MEGF10: variants seen among roughly 807,000 people sequenced by gnomAD.
The protein encoded by MEGF10 is multiple epidermal growth factor-like domains protein 10.
In MEGF10, 86 loss-of-function variants were observed where a neutral mutation model predicts 147.5. The observed-to-expected ratio is 0.58, with a 90% CI of 0.49 to 0.70. MEGF10 has a LOEUF of 0.70. MEGF10 is among the 30% of genes least tolerant of loss of function. The pLI is 0.00. For missense variants in MEGF10, 1,329 were observed against 1,487.3 expected, an observed-to-expected ratio of 0.89 and a Z score of 1.75; for synonymous variants, 478 against 525.5, an observed-to-expected ratio of 0.91 and a Z score of 1.24.
At chr5:127,354,637 G>A (rs1167215823) in intron 4 of MEGF10, among the ~76,000 whole-genome samples, 2 of 152,170 alleles carry the variant, frequency 1.3e-5, no homozygotes, top group African/African-American at 4.8e-5. Flanking sequence ...GTGGCATTCT[G>A]GAATCATGGA....
At chr5:127,304,886 G>A (rs138850499) in intron 1 of MEGF10, among the ~76,000 whole-genome samples, 244 of 152,268 alleles carry the variant, frequency 1.6e-3, no homozygotes, top group African/African-American at 5.7e-3. Flanking sequence ...AAACCAAATT[G>A]GCTAGGACCT....
rs1280125525 is a variant in MEGF10, at chr5:127,443,099, G to A, written c.2464G>A (p.Gly822Arg). ...CACTGGGACCTGTTACTGCAGCCCCGGATGGAAGGGAGCGAGATGTGATCA... is the reference window on the plus strand; with the variant it reads ...CACTGGGACCTGTTACTGCAGCCCCAGATGGAAGGGAGCGAGATGTGATCA... ...HITGTCYCSP[G>R]WKGARCDQAG... Residue 822 changes from glycine to arginine, a missense_variant, in exon 19 of 25, where the codon GGA (glycine) becomes AGA (arginine). Gly to Arg is a moderately radical substitution (Grantham distance 125). This residue lies in a region of MEGF10 where 6 missense variants were observed against 23.5 expected (regional missense o/e 0.26). Transcript: ENST00000503335. The A allele has an allele frequency of 5.0e-6, 8 of 1,613,608 alleles. No homozygotes were observed. Among genetic ancestry groups the A allele is most frequent in the Non-Finnish European group, 6.8e-6 (8 of 1,179,658 alleles).
chr5:127,361,336 C>T (rs1304807361), intron 4 of MEGF10, among the ~76,000 whole-genome samples: 1 of 151,668 alleles, frequency 6.6e-6, no homozygotes, highest in African/African-American at 2.4e-5. Flanking sequence ...TAACATTTAC[C>T]TGTAAAAAAA....
At chr5:127,322,971 G>A (rs1760849324) in intron 1 of MEGF10, among the ~76,000 whole-genome samples, 1 of 151,248 alleles carries the variant, frequency 6.6e-6, no homozygotes, top group South Asian at 2.1e-4. Flanking sequence ...TACAATGTGT[G>A]TATATATATA....
At chr5:127,456,222 G>A (rs1178121754) in intron 24 of MEGF10, among the ~76,000 whole-genome samples, 1 of 152,144 alleles carries the variant, frequency 6.6e-6, no homozygotes, top group Non-Finnish European at 1.5e-5. Context: ...TTAATATAAT[G>A]CATTTAGCAA....
At chr5:127,402,226 C>T (rs922413963) in intron 7 of MEGF10, among the ~76,000 whole-genome samples, 1 of 152,148 alleles carries the variant, frequency 6.6e-6, no homozygotes, top group South Asian at 2.1e-4. Context: ...AGGATTTATA[C>T]ATTCCTTAGG....
At chr5:127,374,236 C>G (rs73344995) in intron 5 of MEGF10, among the ~76,000 whole-genome samples, 1 of 152,168 alleles carries the variant, frequency 6.6e-6, no homozygotes. Flanking sequence ...CTTTAGGAGC[C>G]AAGAGCACAA....
At chr5:127,419,963 G>T in intron 11 of MEGF10, 81 bp from the exon 12 acceptor site, 1 of 1,500,000 alleles carries the variant, frequency 6.7e-7, no homozygotes. Context: ...CGTTTCTAAA[G>T]AGAAACGTGG....
At chr5:127,443,916 C>A (rs1765844851) in intron 19 of MEGF10, among the ~76,000 whole-genome samples, 1 of 152,172 alleles carries the variant, frequency 6.6e-6, no homozygotes, top group South Asian at 2.1e-4. Flanking sequence ...CCAGTTTTTG[C>A]ATGGACATGT....
At chr5:127,385,156 T>G (rs957239007) in intron 5 of MEGF10, among the ~76,000 whole-genome samples, 1 of 152,222 alleles carries the variant, frequency 6.6e-6, no homozygotes, top group African/African-American at 2.4e-5. Context: ...AAGTATTAAA[T>G]TTTCTTCTCT....
At chr5:127,308,960 T>G (rs1172443624) in intron 1 of MEGF10, among the ~76,000 whole-genome samples, 1 of 152,150 alleles carries the variant, frequency 6.6e-6, no homozygotes. Flanking sequence ...TTTCTGTGTA[T>G]GGGTTCTGGA....
At chr5:127,255,671 C>T in the MEGF10 span, among the ~76,000 whole-genome samples, 1,007 of 152,264 alleles carry the variant, frequency 6.6e-3, 12 homozygotes, top group African/African-American at 0.023. Context: ...ATAAGAACCT[C>T]TTAATACATT....
intron 5 of MEGF10, 63 bp from the exon 6 acceptor site, chr5:127,396,469 G>C: frequency 6.8e-7 from 1 of 1,480,074 alleles, no homozygotes; most frequent in East Asian, 2.4e-5. Flanking sequence ...TTCTCCCCGA[G>C]AGGCGAAGAA....
chr5:127,401,073 T>C (rs1044851491), intron 7 of MEGF10, among the ~76,000 whole-genome samples: 1 of 152,214 alleles, frequency 6.6e-6, no homozygotes, highest in African/African-American at 2.4e-5. Context: ...AGCGCATTTC[T>C]GAAGCTTATG....
rs762787247 is a variant in MEGF10, at chr5:127,457,368, T to A, written c.*50T>A. 26 of 1,563,372 alleles carry A rather than the reference T, an allele frequency of 1.7e-5. No homozygotes were observed. Among genetic ancestry groups the A allele is most frequent in the Middle Eastern group, 1.7e-4 (1 of 5,820 alleles). On this transcript the variant is annotated 3_prime_UTR_variant, in exon 25 of 25. Transcript: ENST00000503335. ...CTGGAACCCTTTCCAGAACTGCTGT[T>A]TGGTTCTTCTCCATCCTCAATTTTG...
chr5:127,306,620 G>A (rs919637054), intron 1 of MEGF10, among the ~76,000 whole-genome samples: 2 of 152,200 alleles, frequency 1.3e-5, no homozygotes, highest in South Asian at 4.1e-4. Flanking sequence ...ATGTGCAGTG[G>A]CCATCCCATC....
At chr5:127,347,629 G>C (rs56096254) in intron 4 of MEGF10, among the ~76,000 whole-genome samples, 9,121 of 152,038 alleles carry the variant, frequency 0.06, 306 homozygotes, top group Non-Finnish European at 0.081. Context: ...ACCATCATTT[G>C]ACTGTAAATT....
At chr5:127,398,602 C>G in intron 6 of MEGF10, 74 bp from the exon 7 acceptor site, 2 of 1,581,472 alleles carry the variant, frequency 1.3e-6, no homozygotes, top group East Asian at 2.2e-5. Flanking sequence ...ATTTTGGGGA[C>G]CCTGGGTACA....
the MEGF10 span, among the ~76,000 whole-genome samples, chr5:127,274,713 C>A: frequency 6.6e-6 from 1 of 151,988 alleles, no homozygotes; most frequent in Admixed American, 6.5e-5. Flanking sequence ...AGATTGTCTT[C>A]AAGTATTCTT....
Sources: gnomAD v4.1 joint callset for allele counts (sites outside exome capture counted in the v4.1 genomes callset) on GRCh38, gnomAD v4.1.1 for gene constraint, gnomAD v4.1.1 regional missense constraint, MANE v1.5 for transcripts, NCBI Gene and HGNC (gene_info 2026-07-23, HGNC 2026-07-21) for gene names.